Variants in MED13L observed in about 807,000 individuals in gnomAD.
The protein encoded by MED13L is mediator complex subunit 13L.
In MED13L, 7 loss-of-function variants were observed where a neutral mutation model predicts 220.9. That is an observed-to-expected ratio of 0.03 (90% confidence interval 0.02 to 0.06). MED13L has a LOEUF of 0.06. Among genes scored for constraint, MED13L ranks in the 10% least tolerant of loss-of-function variants. The probability of loss-of-function intolerance (pLI) is 1.00; values close to 1 mark genes in which losing one functional copy is unlikely to be tolerated. For synonymous variants in MED13L, 1,011 were observed against 1,015.2 expected (o/e 1.00, Z 0.08); for missense variants, 1,965 against 2,760.5 (o/e 0.71, Z 6.46).
At chr12:116,026,134 G>T (rs923925046) in intron 4 of MED13L, among the ~76,000 whole-genome samples, 2 of 152,166 alleles carry the variant, frequency 1.3e-5, no homozygotes, top group Non-Finnish European at 2.9e-5. Flanking sequence ...TGACTGGAAA[G>T]GAGTCAAAAA....
chr12:116,108,883 T>C (rs1268999788), intron 3 of MED13L, among the ~76,000 whole-genome samples: 1 of 152,062 alleles, frequency 6.6e-6, no homozygotes, highest in Non-Finnish European at 1.5e-5. Flanking sequence ...GTGGCACACA[T>C]GATATATATC....
chr12:116,075,360 G>A (rs1452319668), intron 4 of MED13L, among the ~76,000 whole-genome samples: 1 of 152,176 alleles, frequency 6.6e-6, no homozygotes, highest in African/African-American at 2.4e-5. Context: ...GGGATAACAA[G>A]ACATAAAGAC....
intron 4 of MED13L, among the ~76,000 whole-genome samples, chr12:116,027,277 G>T (rs1185113215): frequency 1.3e-5 from 2 of 152,018 alleles, no homozygotes; most frequent in African/African-American, 2.4e-5. Flanking sequence ...ACAAAAATTA[G>T]CTGGGTGTGG....
At chr12:115,971,858 A>G (rs1350756409) in intron 26 of MED13L, among the ~76,000 whole-genome samples, 2 of 152,208 alleles carry the variant, frequency 1.3e-5, no homozygotes, top group Non-Finnish European at 2.9e-5. Flanking sequence ...AATGATATTC[A>G]GAACTTAGTC....
At chr12:116,079,440 G>T (rs868276132) in intron 4 of MED13L, among the ~76,000 whole-genome samples, 1 of 152,028 alleles carries the variant, frequency 6.6e-6, no homozygotes, top group African/African-American at 2.4e-5. Flanking sequence ...TGCTCAGGCT[G>T]GTCTCGAACT....
At chr12:116,116,803 G>T (rs1874561034) in intron 2 of MED13L, among the ~76,000 whole-genome samples, 1 of 151,564 alleles carries the variant, frequency 6.6e-6, no homozygotes, top group East Asian at 2.0e-4. Flanking sequence ...CTGATGTAGG[G>T]GAAACACCTG....
At chr12:116,127,361 T>C (rs1324971704) in intron 2 of MED13L, among the ~76,000 whole-genome samples, 1 of 152,230 alleles carries the variant, frequency 6.6e-6, no homozygotes, top group East Asian at 1.9e-4. Flanking sequence ...AAAGTTCAAC[T>C]GTATATACAT....
intron 2 of MED13L, among the ~76,000 whole-genome samples, chr12:116,157,038 C>T (rs941198094): frequency 9.2e-5 from 14 of 152,192 alleles, no homozygotes; most frequent in Non-Finnish European, 1.8e-4. Flanking sequence ...CTGGTATCCA[C>T]TGCTGTTATT....
intron 11 of MED13L, among the ~76,000 whole-genome samples, 160 bp from the exon 12 acceptor site, chr12:116,006,571 T>A (rs1879059144): frequency 6.6e-6 from 1 of 152,200 alleles, no homozygotes; most frequent in Admixed American, 6.5e-5. Context: ...AGATAGGTCC[T>A]TTCTCTGGAA....
chr12:116,272,544 T>C (rs1873461731), intron 1 of MED13L, among the ~76,000 whole-genome samples: 1 of 151,180 alleles, frequency 6.6e-6, no homozygotes, highest in African/African-American at 2.4e-5. Flanking sequence ...ACAGTGGGAC[T>C]CTGGTCTCAA....
intron 1 of MED13L, among the ~76,000 whole-genome samples, chr12:116,257,927 T>C (rs1409563538): frequency 2.0e-5 from 3 of 152,122 alleles, no homozygotes; most frequent in Non-Finnish European, 2.9e-5. Context: ...TGGGAAGAAA[T>C]TGTAGGCTGT....
chr12:116,059,753 C>T (rs922237421), intron 4 of MED13L, among the ~76,000 whole-genome samples: 11 of 151,866 alleles, frequency 7.2e-5, no homozygotes, highest in Non-Finnish European at 1.5e-5. Flanking sequence ...GTATTTTATG[C>T]TTTTAAATAT....
At chr12:116,226,536 T>C (rs187388174) in intron 2 of MED13L, among the ~76,000 whole-genome samples, 11 of 152,334 alleles carry the variant, frequency 7.2e-5, no homozygotes, top group Non-Finnish European at 1.5e-4. Context: ...CATGAAATGC[T>C]TAAAGCAACA....
At chr12:116,215,786 T>C (rs1009292020) in intron 2 of MED13L, among the ~76,000 whole-genome samples, 1 of 152,168 alleles carries the variant, frequency 6.6e-6, no homozygotes, top group Non-Finnish European at 1.5e-5. Context: ...TTAATGGTCC[T>C]CACTGCATCT....
Position 116,243,307 on chromosome 12 carries a change from G to GA in MED13L, c.73-5603dup, listed in dbSNP as rs574371053. ...TGCAGGAGGATGCAAATTTTTTTGT[G>GA]AAAAATCAGACCTTGGCAATGACCT... On this transcript the variant is annotated intron_variant, in intron 1 of 30. Transcript: ENST00000281928. 5.2e-4 allele frequency among the ~76,000 whole-genome samples: 79 copies of GA among 152,088 alleles called. 1 individual carries two copies. The highest frequency in any genetic ancestry group is 3.4e-3 in the Middle Eastern group (1 of 294).
At chr12:116,164,280 T>C (rs1462871265) in intron 2 of MED13L, among the ~76,000 whole-genome samples, 2 of 152,154 alleles carry the variant, frequency 1.3e-5, no homozygotes, top group Non-Finnish European at 2.9e-5. Flanking sequence ...GAGACAGATA[T>C]AAAAATGTAT....
chr12:116,153,281 T>C (rs997999493), intron 2 of MED13L, among the ~76,000 whole-genome samples: 1 of 152,108 alleles, frequency 6.6e-6, no homozygotes, highest in Non-Finnish European at 1.5e-5. Flanking sequence ...GAAGAAAAGA[T>C]TGCTCACCTT....
At chr12:116,208,718 C>A (rs1258026978) in intron 2 of MED13L, among the ~76,000 whole-genome samples, 1 of 152,216 alleles carries the variant, frequency 6.6e-6, no homozygotes, top group African/African-American at 2.4e-5. Flanking sequence ...ATAATCCCAA[C>A]ACTTTGGGGG....
chr12:116,107,547 T>C (rs986676378), intron 3 of MED13L, among the ~76,000 whole-genome samples: 8 of 152,242 alleles, frequency 5.3e-5, no homozygotes, highest in Non-Finnish European at 8.8e-5. Context: ...AGTGACATTA[T>C]TCTGCATACA....
Sources: gnomAD v4.1 joint callset for allele counts (sites outside exome capture counted in the v4.1 genomes callset) on GRCh38, gnomAD v4.1.1 for gene constraint, MANE v1.5 for transcripts, NCBI Gene and HGNC (gene_info 2026-07-23, HGNC 2026-07-21) for gene names.